CACNA2D3: variants seen among roughly 807,000 people sequenced by gnomAD.
CACNA2D3 encodes the protein calcium voltage-gated channel auxiliary subunit alpha2delta 3, also known as voltage-dependent calcium channel subunit alpha-2/delta-3.
In CACNA2D3, 60 loss-of-function variants were observed where a neutral mutation model predicts 160.6. That is an observed-to-expected ratio of 0.37 (90% CI 0.30 to 0.46). The LOEUF is 0.46. Ranked by LOEUF, CACNA2D3 falls within the 20% of genes least tolerant of loss-of-function variation. The pLI, the probability that CACNA2D3 is intolerant of heterozygous loss-of-function variation, is 1.00. For synonymous variants in CACNA2D3, 558 were observed against 492.9 expected (o/e 1.13, Z -1.75); for missense variants, 1,205 against 1,365.0 (o/e 0.88, Z 1.85).
chr3:54,807,686 C>G (rs1418987334), intron 13 of CACNA2D3, among the ~76,000 whole-genome samples: 3 of 151,678 alleles, frequency 2.0e-5, no homozygotes, highest in Non-Finnish European at 4.4e-5. Flanking sequence ...ACCATTTGAC[C>G]CAGCCATCCC....
At chr3:54,350,983 T>TG (rs1698548207) in intron 3 of CACNA2D3, among the ~76,000 whole-genome samples, 2 of 38,814 alleles carry the variant, frequency 5.2e-5, no homozygotes, top group Non-Finnish European at 1.0e-4. Context: ...TTTTTTTTTG[T>TG]TTGTTTTTTT....
chr3:54,652,511 C>T (rs1014764513), intron 11 of CACNA2D3, among the ~76,000 whole-genome samples: 7 of 152,230 alleles, frequency 4.6e-5, no homozygotes, highest in East Asian at 1.9e-4. Context: ...GTGGCCAAGA[C>T]GAGCCTCTTG....
chr3:54,760,549 G>A (rs1028409578), intron 12 of CACNA2D3, among the ~76,000 whole-genome samples: 1 of 152,176 alleles, frequency 6.6e-6, no homozygotes, highest in African/African-American at 2.4e-5. Flanking sequence ...ATGATTTGCT[G>A]TGACCTCTTA....
intron 5 of CACNA2D3, among the ~76,000 whole-genome samples, chr3:54,521,439 A>G (rs1397874079): frequency 2.2e-5 from 2 of 92,570 alleles, no homozygotes; most frequent in South Asian, 7.0e-4. Context: ...TATTCCAGAT[A>G]CAAGTCCCTT....
chr3:54,596,225 G>C (rs560733039), intron 9 of CACNA2D3, among the ~76,000 whole-genome samples: 3 of 151,860 alleles, frequency 2.0e-5, no homozygotes, highest in Admixed American at 2.0e-4. Context: ...CCCATATCTA[G>C]TCTAGCTGGC....
chr3:54,555,411 G>A (rs147358580), intron 5 of CACNA2D3, among the ~76,000 whole-genome samples: 1 of 152,146 alleles, frequency 6.6e-6, no homozygotes, highest in Non-Finnish European at 1.5e-5. Flanking sequence ...ATGCAAGGGT[G>A]TATAGGAGTG....
chr3:54,868,904 C>T (rs1699463404), intron 17 of CACNA2D3, among the ~76,000 whole-genome samples: 1 of 152,176 alleles, frequency 6.6e-6, no homozygotes, highest in African/African-American at 2.4e-5. Context: ...TTTACTGTGC[C>T]TGGGAATGTG....
intron 5 of CACNA2D3, among the ~76,000 whole-genome samples, chr3:54,513,463 G>T (rs1401092179): frequency 6.6e-6 from 1 of 152,166 alleles, no homozygotes; most frequent in Non-Finnish European, 1.5e-5. Flanking sequence ...ACTCACTGAA[G>T]CAGGAACCAT....
intron 3 of CACNA2D3, among the ~76,000 whole-genome samples, chr3:54,343,952 A>C (rs1043381914): frequency 6.6e-6 from 1 of 152,216 alleles, no homozygotes; most frequent in African/African-American, 2.4e-5. Context: ...ATACAGTATA[A>C]TATTGTGCAT....
At chr3:54,241,051 T>C (rs554790971) in intron 2 of CACNA2D3, among the ~76,000 whole-genome samples, 1 of 152,208 alleles carries the variant, frequency 6.6e-6, no homozygotes, top group Non-Finnish European at 1.5e-5. Context: ...AGAGTCTTTA[T>C]ACTTTTGTCT....
intron 2 of CACNA2D3, among the ~76,000 whole-genome samples, chr3:54,258,792 C>A (rs1702349677): frequency 6.6e-6 from 1 of 152,096 alleles, no homozygotes; most frequent in Admixed American, 6.6e-5. Context: ...TTCATAACAC[C>A]TGAAGGGATC....
intron 4 of CACNA2D3, among the ~76,000 whole-genome samples, chr3:54,444,375 A>G (rs1473508954): frequency 6.6e-6 from 1 of 151,994 alleles, no homozygotes; most frequent in Non-Finnish European, 1.5e-5. Context: ...AGCCTTGTTG[A>G]TTCTGTGAGG....
At chr3:54,323,177 T>A (rs1704043637) in intron 3 of CACNA2D3, among the ~76,000 whole-genome samples, 1 of 152,228 alleles carries the variant, frequency 6.6e-6, no homozygotes, top group Admixed American at 6.5e-5. Context: ...TGGAATGAGA[T>A]GTCCCTTTGG....
chr3:54,642,570 C>T (rs1009621888), intron 11 of CACNA2D3, among the ~76,000 whole-genome samples: 2 of 152,122 alleles, frequency 1.3e-5, no homozygotes, highest in Non-Finnish European at 2.9e-5. Flanking sequence ...TTGGGCCCAG[C>T]ATCTATACAA....
intron 13 of CACNA2D3, among the ~76,000 whole-genome samples, chr3:54,800,394 G>A (rs1307380832): frequency 6.6e-6 from 1 of 152,186 alleles, no homozygotes; most frequent in African/African-American, 2.4e-5. Flanking sequence ...AGAACCTCCA[G>A]CTCCCCCACA....
chr3:54,543,140 A>G (rs961637321), intron 5 of CACNA2D3, among the ~76,000 whole-genome samples: 1 of 152,222 alleles, frequency 6.6e-6, no homozygotes, highest in African/African-American at 2.4e-5. Context: ...TCACTCATGA[A>G]AACAGACCCT....
intron 2 of CACNA2D3, among the ~76,000 whole-genome samples, chr3:54,234,851 C>T (rs1382329852): frequency 6.6e-6 from 1 of 152,006 alleles, no homozygotes. Context: ...GACACTGGAA[C>T]CTACTTGAGT....
At chr3:54,183,269 C>A in intron 2 of CACNA2D3, among the ~76,000 whole-genome samples, 1 of 143,632 alleles carries the variant, frequency 7.0e-6, no homozygotes. Flanking sequence ...AGAGAGACTT[C>A]AAAATTCCAT....
chr3:54,289,530 C>G (rs1354601398), intron 2 of CACNA2D3, among the ~76,000 whole-genome samples: 1 of 151,688 alleles, frequency 6.6e-6, no homozygotes, highest in Non-Finnish European at 1.5e-5. Context: ...CTACCAATGA[C>G]TTTCTTCACA....
Sources: gnomAD v4.1 joint callset for allele counts (sites outside exome capture counted in the v4.1 genomes callset) on GRCh38, gnomAD v4.1.1 for gene constraint, MANE v1.5 for transcripts, NCBI Gene and HGNC (gene_info 2026-07-23, HGNC 2026-07-21) for gene names.